The following DRD3 variants were observed in gnomAD, a reference collection of about 807,000 sequenced individuals.
DRD3 encodes dopamine receptor D3.
A neutral mutation model predicts 36.3 loss-of-function variants in DRD3; 19 were observed. The ratio of observed to expected loss-of-function variants is 0.52; its 90% confidence interval spans 0.36 to 0.77. The LOEUF (loss-of-function observed/expected upper bound fraction) is 0.77, where lower values mean the gene tolerates loss of function less well. DRD3 is among the 30% of genes least tolerant of loss of function. The pLI, the probability that DRD3 is intolerant of heterozygous loss-of-function variation, is 0.00. For missense variants in DRD3, 465 were observed against 505.3 expected, an observed-to-expected ratio of 0.92 and a Z score of 0.77; for synonymous variants, 195 against 203.7, an observed-to-expected ratio of 0.96 and a Z score of 0.36.
intron 3 of DRD3, among the ~76,000 whole-genome samples, chr3:114,151,624 A>G (rs2077618845): frequency 6.6e-6 from 1 of 152,192 alleles, no homozygotes; most frequent in South Asian, 2.1e-4. Context: ...ATATGCTATA[A>G]TGTTCAGCAA....
intron 1 of DRD3, among the ~76,000 whole-genome samples, chr3:114,195,892 GC>G (rs2078033683): frequency 6.6e-6 from 1 of 152,164 alleles, no homozygotes; most frequent in South Asian, 2.1e-4. Flanking sequence ...TGGATCACAA[GC>G]TTAAAAGGAG....
intron 2 of DRD3, among the ~76,000 whole-genome samples, chr3:114,168,896 T>C (rs954287682): frequency 2.0e-5 from 3 of 152,170 alleles, no homozygotes; most frequent in Non-Finnish European, 4.4e-5. Context: ...AAGGTGGATG[T>C]GTTCAAATCA....
At chr3:114,129,532 G>A (rs1391049157) in intron 6 of DRD3, among the ~76,000 whole-genome samples, 16 of 152,060 alleles carry the variant, frequency 1.1e-4, no homozygotes, top group Admixed American at 9.2e-4. Flanking sequence ...CAATTCAGAC[G>A]TTTATTTAAT....
rs369986349 is a variant in DRD3 at position 114,167,789 on chromosome 3, G to T, written c.270+3934C>A. ...TCCAAAGAAGAAACATATAACCTATGTTAAATCAATTTTTCAAGCTGGAAC... is the reference window on the plus strand; with the variant it reads ...TCCAAAGAAGAAACATATAACCTATTTTAAATCAATTTTTCAAGCTGGAAC... On this transcript the variant is annotated intron_variant, in intron 2 of 6. Transcript: ENST00000383673. 1.2e-4 allele frequency among the ~76,000 whole-genome samples: 18 copies of T among 152,336 alleles called. No individual in the cohort carries two copies. The East Asian group carries it at 2.9e-3, about 24-fold the overall frequency.
chr3:114,195,014 C>G lies in DRD3; in HGVS notation c.-156+4259G>C, dbSNP rs2078029919. ...GGAAATTCCCCCAGGCAGGTATCTT[C>G]AATCAGCTCTAATCTACTCATCAGT... On this transcript the variant is annotated intron_variant, in intron 1 of 7. Transcript: ENST00000460779. Among the ~76,000 whole-genome samples the G allele has an allele frequency of 2.0e-5, 3 of 152,274 alleles. No homozygotes were observed. The East Asian group carries it at 5.8e-4, about 29-fold the overall frequency.
At chr3:114,151,596 A>G (rs1024774141) in intron 3 of DRD3, among the ~76,000 whole-genome samples, 2 of 152,168 alleles carry the variant, frequency 1.3e-5, no homozygotes, top group African/African-American at 4.8e-5. Context: ...GACCACTGAG[A>G]GTTATATACT....
intron 6 of DRD3, 56 bp from the exon 7 acceptor site, chr3:114,128,968 A>G (rs1255367074): frequency 2.0e-6 from 3 of 1,474,388 alleles, no homozygotes; most frequent in Non-Finnish European, 2.7e-6. Flanking sequence ...TCCTTTTGTT[A>G]TAACATGAGA....
At chr3:114,197,354 C>G (rs1009179127) in intron 1 of DRD3, among the ~76,000 whole-genome samples, 3 of 139,334 alleles carry the variant, frequency 2.2e-5, no homozygotes, top group African/African-American at 8.2e-5. Context: ...CTCCTGGCCT[C>G]AAACAATCTC....
At chr3:114,196,577 C>T (rs2078036487) in intron 1 of DRD3, among the ~76,000 whole-genome samples, 6 of 152,196 alleles carry the variant, frequency 3.9e-5, no homozygotes, top group Admixed American at 3.9e-4. Context: ...TCTAAAGTGG[C>T]TGTACTATTT....
intron 2 of DRD3, among the ~76,000 whole-genome samples, chr3:114,169,637 T>C (rs2077820265): frequency 6.6e-6 from 1 of 152,110 alleles, no homozygotes; most frequent in East Asian, 1.9e-4. Flanking sequence ...AAAACCTATA[T>C]GTACTACTAC....
At chr3:114,163,370 T>G (rs918366295) in intron 2 of DRD3, among the ~76,000 whole-genome samples, 1 of 152,124 alleles carries the variant, frequency 6.6e-6, no homozygotes, top group African/African-American at 2.4e-5. Flanking sequence ...TTCTCACACA[T>G]TTTCTCATCA....
chr3:114,139,606 A>G lies in DRD3; in HGVS notation c.617T>C (p.Leu206Pro). ...CACCACATAGATTCTGGCATAGACA[A>G]GGACAGTCACTCCAAAGGGCAGGTA... is the stretch of plus-strand genomic sequence containing the variant. ...SFYLPFGVTV[L>P]VYARIYVVLK... The change falls in exon 5 of 7, where the codon CTT (leucine) becomes CCT (proline). Residue 206 changes from leucine to proline, a missense_variant. Transcript: ENST00000383673. The G allele has an allele frequency of 6.2e-7, 1 of 1,614,192 alleles. No homozygotes were observed. The highest frequency in any genetic ancestry group is 1.1e-5 in the South Asian group (1 of 91,074).
chr3:114,161,914 AC>A (rs1181568319), intron 2 of DRD3, among the ~76,000 whole-genome samples: 2 of 152,230 alleles, frequency 1.3e-5, no homozygotes, highest in African/African-American at 4.8e-5. Flanking sequence ...GTAAAAAAAC[AC>A]TTTTTGGCAT....
At chr3:114,176,032 A>AG (rs2077895277) in intron 1 of DRD3, 1 of 152,224 alleles carries the variant, frequency 6.6e-6, no homozygotes, top group Non-Finnish European at 1.5e-5. Flanking sequence ...TTAAAAAGGC[A>AG]GGGGAACAGA....
intron 5 of DRD3, among the ~76,000 whole-genome samples, chr3:114,133,807 C>G (rs1025653319): frequency 3.9e-5 from 6 of 152,152 alleles, no homozygotes; most frequent in Non-Finnish European, 5.9e-5. Flanking sequence ...TCTTCAACTC[C>G]CATTACTGAT....
intron 3 of DRD3, among the ~76,000 whole-genome samples, chr3:114,156,965 C>A (rs1443642633): frequency 7.5e-6 from 1 of 133,852 alleles, no homozygotes; most frequent in Non-Finnish European, 1.6e-5. Flanking sequence ...TCTTTCCTTC[C>A]TTCCTTCCTT....
At chr3:114,155,635 A>T (rs753180242) in intron 3 of DRD3, among the ~76,000 whole-genome samples, 3 of 152,170 alleles carry the variant, frequency 2.0e-5, no homozygotes, top group Non-Finnish European at 4.4e-5. Flanking sequence ...CTAGGCTTGG[A>T]AAAGGGAGTG....
chr3:114,198,769 G>A (rs1249632510), intron 1 of DRD3, among the ~76,000 whole-genome samples: 1 of 151,894 alleles, frequency 6.6e-6, no homozygotes, highest in African/African-American at 2.4e-5. Flanking sequence ...GCAAGGTCTT[G>A]CTCTGTTGCC....
chr3:114,151,307 A>G (rs4682152), intron 3 of DRD3, among the ~76,000 whole-genome samples: 151,970 of 152,298 alleles, frequency 1, 75,822 homozygotes, highest in Middle Eastern at 1. Context: ...GGGAAGGAAT[A>G]CTGTAACTCA....
Sources: gnomAD v4.1 joint callset for allele counts (sites outside exome capture counted in the v4.1 genomes callset) on GRCh38, gnomAD v4.1.1 for gene constraint, MANE v1.5 for transcripts, NCBI Gene and HGNC (gene_info 2026-07-23, HGNC 2026-07-21) for gene names.